Variants in NTM observed in about 807,000 individuals in gnomAD.
The protein encoded by NTM is IgLON family member 2.
A neutral mutation model predicts 42.1 loss-of-function variants in NTM; 13 were observed. That is an observed-to-expected ratio of 0.31 (90% CI 0.20 to 0.49). The LOEUF (loss-of-function observed/expected upper bound fraction) is 0.49. Among genes scored for constraint, NTM ranks in the 20% least tolerant of loss-of-function variants. The probability of loss-of-function intolerance (pLI) is 0.99; values close to 1 mark genes in which losing one functional copy is unlikely to be tolerated. For synonymous variants in NTM, 187 were observed against 179.2 expected, an observed-to-expected ratio of 1.04 and a Z score of -0.35; for missense variants, 373 against 452.8, an observed-to-expected ratio of 0.82 and a Z score of 1.60.
At chr11:132,298,157 A>G (rs972945373) in intron 4 of NTM, among the ~76,000 whole-genome samples, 17 of 152,164 alleles carry the variant, frequency 1.1e-4, no homozygotes, top group Non-Finnish European at 2.4e-4. Flanking sequence ...ACTCCTTCAA[A>G]GTTATCAGCA....
At chr11:131,993,525 G>T (rs2067398308) in intron 2 of NTM, among the ~76,000 whole-genome samples, 2 of 152,132 alleles carry the variant, frequency 1.3e-5, no homozygotes, top group South Asian at 4.1e-4. Context: ...GGAAGCAGTT[G>T]TATATATAGG....
At chr11:131,931,468 C>CGTGTGT (rs147069139) in intron 2 of NTM, among the ~76,000 whole-genome samples, 24,451 of 142,554 alleles carry the variant, frequency 0.17, 2,445 homozygotes, top group East Asian at 0.31. Context: ...ATAATATATA[C>CGTGTGT]GTGTGTGTGT....
intron 2 of NTM, among the ~76,000 whole-genome samples, chr11:131,946,525 TA>T (rs2060362637): frequency 6.6e-6 from 1 of 152,248 alleles, no homozygotes; most frequent in Non-Finnish European, 1.5e-5. Flanking sequence ...TGCCTGTTGC[TA>T]AAAGCTAGAG....
Position 131,926,544 on chromosome 11 carries a change from A to G in NTM, c.167+14896A>G, listed in dbSNP as rs186825271. Among the ~76,000 whole-genome samples, 39 of 152,198 alleles carry G rather than the reference A, an allele frequency of 2.6e-4. 2 individuals carry two copies. The highest frequency in any genetic ancestry group is 8.9e-4 in the African/African-American group (37 of 41,528). On this transcript the variant is annotated intron_variant, in intron 2 of 8. Coordinates refer to ENST00000683400, the MANE Select transcript of NTM (RefSeq NM_001352005.2). ...CAAGGCAAGGAGGAGGAAGGGTCAA[A>G]GCTGAATAAGGGGCAGGCAGTCAGC... is the stretch of plus-strand genomic sequence containing the variant.
At chr11:131,770,295 C>T (rs993413441) in intron 1 of NTM, among the ~76,000 whole-genome samples, 5 of 152,208 alleles carry the variant, frequency 3.3e-5, no homozygotes, top group Admixed American at 1.3e-4. Flanking sequence ...AGGTGGAAAA[C>T]TCAGGGTGTT....
At chr11:132,061,866 T>G (rs147597019) in intron 2 of NTM, among the ~76,000 whole-genome samples, 1 of 152,148 alleles carries the variant, frequency 6.6e-6, no homozygotes, top group African/African-American at 2.4e-5. Flanking sequence ...AAGATTTTTT[T>G]AAAAATTTTC....
At chr11:132,203,687 C>G (rs1193041522) in intron 3 of NTM, among the ~76,000 whole-genome samples, 1 of 152,006 alleles carries the variant, frequency 6.6e-6, no homozygotes, top group Admixed American at 6.6e-5. Context: ...GTCAGGAGAT[C>G]GAGACCATCC....
intron 1 of NTM, among the ~76,000 whole-genome samples, chr11:131,641,023 G>T (rs921010012): frequency 2.6e-5 from 4 of 152,142 alleles, no homozygotes; most frequent in Non-Finnish European, 5.9e-5. Flanking sequence ...CCCGAAATTG[G>T]TCTACACAAG....
chr11:131,929,521 C>G (rs776803534), intron 2 of NTM, among the ~76,000 whole-genome samples: 7 of 150,906 alleles, frequency 4.6e-5, no homozygotes, highest in African/African-American at 1.7e-4. Flanking sequence ...TTTTTGTATA[C>G]GGCAAAGGCT....
At chr11:131,902,582 C>A (rs915979401) in intron 1 of NTM, among the ~76,000 whole-genome samples, 3 of 152,192 alleles carry the variant, frequency 2.0e-5, no homozygotes, top group Admixed American at 6.5e-5. Flanking sequence ...TGAACACTAA[C>A]CCCTCTAATT....
chr11:131,568,248 A>G lies in NTM; in HGVS notation c.82+197360A>G, dbSNP rs191055803. Among the ~76,000 whole-genome samples the G allele has an allele frequency of 1.1e-3, 170 of 152,356 alleles. 1 individual carries two copies. The highest frequency in any genetic ancestry group is 2.0e-3 in the Non-Finnish European group (139 of 68,028). ...AGCATCTCTAGGGCATTGACCACAT[A>G]CCGGGCTCAGTCCTGGACTATACCT... is the stretch of plus-strand genomic sequence containing the variant. On this transcript the variant is annotated intron_variant, in intron 1 of 8. Coordinates refer to ENST00000683400, the MANE Select transcript of NTM (RefSeq NM_001352005.2).
intron 4 of NTM, among the ~76,000 whole-genome samples, chr11:132,302,675 G>A (rs1041511420): frequency 2.0e-5 from 3 of 152,150 alleles, no homozygotes; most frequent in African/African-American, 4.8e-5. Flanking sequence ...GGTTTCTGCT[G>A]TCAAAGGCCT....
chr11:132,258,512 A>G (rs994709245), intron 4 of NTM, among the ~76,000 whole-genome samples: 10 of 152,030 alleles, frequency 6.6e-5, no homozygotes, highest in African/African-American at 1.9e-4. Context: ...CTCTCTCAAA[A>G]CTAGGGAAGT....
chr11:131,810,505 A>T (rs1004451591), intron 1 of NTM, among the ~76,000 whole-genome samples: 1 of 152,214 alleles, frequency 6.6e-6, no homozygotes, highest in Non-Finnish European at 1.5e-5. Flanking sequence ...GGGAGACTCG[A>T]GCAGCCAGAC....
chr11:131,943,832 G>C (rs1565792403), intron 2 of NTM, among the ~76,000 whole-genome samples: 1 of 152,028 alleles, frequency 6.6e-6, no homozygotes, highest in East Asian at 1.9e-4. Flanking sequence ...ACTGGAATCT[G>C]ATCATCCCCC....
At chr11:131,840,003 T>G (rs1592206767) in intron 1 of NTM, among the ~76,000 whole-genome samples, 1 of 152,200 alleles carries the variant, frequency 6.6e-6, no homozygotes, top group East Asian at 1.9e-4. Flanking sequence ...GGACTTGCCA[T>G]CAGCTGAGAC....
intron 3 of NTM, among the ~76,000 whole-genome samples, chr11:132,174,417 A>G (rs1212493492): frequency 6.6e-5 from 10 of 152,248 alleles, no homozygotes; most frequent in Non-Finnish European, 2.9e-5. Flanking sequence ...AAAAAATCGT[A>G]AATGTATCAG....
intron 2 of NTM, among the ~76,000 whole-genome samples, chr11:131,954,114 T>C (rs2134397467): frequency 6.6e-6 from 1 of 152,310 alleles, no homozygotes. Flanking sequence ...TGGTAAGCCC[T>C]CCTTTTTCCT....
chr11:131,708,898 G>A (rs1335097666), intron 1 of NTM, among the ~76,000 whole-genome samples: 1 of 152,164 alleles, frequency 6.6e-6, no homozygotes, highest in East Asian at 1.9e-4. Flanking sequence ...CTATGTCTGG[G>A]TAGGTGATGG....
Sources: gnomAD v4.1 joint callset for allele counts (sites outside exome capture counted in the v4.1 genomes callset) on GRCh38, gnomAD v4.1.1 for gene constraint, MANE v1.5 for transcripts, NCBI Gene and HGNC (gene_info 2026-07-23, HGNC 2026-07-21) for gene names.